DSCAML1: variants seen among roughly 807,000 people sequenced by gnomAD.
The protein encoded by DSCAML1 is DS cell adhesion molecule like 1.
Under a neutral mutation model 200.5 loss-of-function variants are expected in DSCAML1, and 38 were observed. The ratio of observed to expected loss-of-function variants is 0.19; its 90% CI spans 0.15 to 0.25. DSCAML1 has a LOEUF of 0.25. Among genes scored for constraint, DSCAML1 ranks in the 10% least tolerant of loss-of-function variants. The probability of loss-of-function intolerance (pLI) is 1.00; values close to 1 mark genes in which losing one functional copy is unlikely to be tolerated. For synonymous variants in DSCAML1, 1,215 were observed against 1,165.0 expected, an observed-to-expected ratio of 1.04 and a Z score of -0.87; for missense variants, 2,223 against 2,858.8, an observed-to-expected ratio of 0.78 and a Z score of 5.07.
intron 3 of DSCAML1, among the ~76,000 whole-genome samples, chr11:117,594,640 G>C (rs146331129): frequency 1.4e-3 from 215 of 152,342 alleles, no homozygotes; most frequent in Non-Finnish European, 2.4e-3. Flanking sequence ...ACATCCCGCA[G>C]ACCTGCAGCA....
chr11:117,776,800 T>G lies in DSCAML1; in HGVS notation c.502A>C (p.Ile168Leu). Residue 168 changes from isoleucine (I) to leucine (L), a missense_variant, in exon 3 of 33, where the codon ATC (isoleucine) becomes CTC (leucine). This residue lies in a region of DSCAML1 where 579 missense variants were observed against 721.5 expected (regional missense o/e 0.80). Transcript: ENST00000651296. ...CCGGGACGCTTCTTACCTGGGATGA[T>G]GGAGACTGTGTCTTTCTCCCAAGAT... ...VVSWEKDTVS[I>L]IPEHRFFITY... The G allele has an allele frequency of 6.2e-7, 1 of 1,614,162 alleles. No homozygotes were observed. The highest frequency in any genetic ancestry group is 8.5e-7 in the Non-Finnish European group (1 of 1,180,012).
At chr11:117,586,550 C>G (rs142793610) in intron 3 of DSCAML1, among the ~76,000 whole-genome samples, 8 of 152,326 alleles carry the variant, frequency 5.3e-5, no homozygotes, top group South Asian at 4.1e-4. Context: ...GTTCTCAGTT[C>G]TCAAGTTATC....
intron 3 of DSCAML1, among the ~76,000 whole-genome samples, chr11:117,659,132 C>G (rs1161732911): frequency 6.6e-6 from 1 of 152,174 alleles, no homozygotes; most frequent in African/African-American, 2.4e-5. Flanking sequence ...TTAAGGTAAG[C>G]CAAGTTCAGC....
intron 3 of DSCAML1, among the ~76,000 whole-genome samples, chr11:117,549,102 T>C (rs1486351929): frequency 6.6e-6 from 1 of 152,200 alleles, no homozygotes; most frequent in Non-Finnish European, 1.5e-5. Context: ...ACCATCCCTC[T>C]GTCCTTCCTA....
At chr11:117,797,259 T>A (rs1444006041), upstream of DSCAML1, 1 of 1,426,140 alleles carries the variant, frequency 7.0e-7, no homozygotes, top group South Asian at 1.5e-5. Flanking sequence ...GCTCCTGTCA[T>A]CCGCGGGGCT....
At chr11:117,656,848 C>T (rs1243897823) in intron 3 of DSCAML1, among the ~76,000 whole-genome samples, 1 of 152,202 alleles carries the variant, frequency 6.6e-6, no homozygotes, top group Admixed American at 6.5e-5. Context: ...CTGTAGCCCT[C>T]AAATGCCCAG....
rs568578245 is a variant in DSCAML1 at position 117,591,530 on chromosome 11, C to T, written c.512-59008G>A. ...GAATCTGCGAGTGCTATGCGAGCCG[C>T]GATTTGTAATATTCTCTGTCTGGGG... On this transcript the variant is annotated intron_variant, in intron 3 of 32. Transcript: ENST00000651296. Among the ~76,000 whole-genome samples, 9 of 152,322 alleles carry T rather than the reference C, an allele frequency of 5.9e-5. No homozygotes were observed. The South Asian group carries it at 1.0e-3, about 18-fold the overall frequency.
intron 1 of DSCAML1, among the ~76,000 whole-genome samples, chr11:117,812,454 A>C (rs2055769078): frequency 6.6e-6 from 1 of 152,008 alleles, no homozygotes; most frequent in South Asian, 2.1e-4. Flanking sequence ...CCATGGTGCC[A>C]AACCCATATA....
intron 3 of DSCAML1, among the ~76,000 whole-genome samples, chr11:117,716,589 C>A (rs1180769622): frequency 1.3e-5 from 2 of 152,084 alleles, no homozygotes; most frequent in Admixed American, 6.5e-5. Context: ...TCGAAGAAGT[C>A]AAAAATGCCA....
intron 3 of DSCAML1, among the ~76,000 whole-genome samples, chr11:117,634,590 G>C (rs776033465): frequency 5.3e-5 from 8 of 152,158 alleles, no homozygotes; most frequent in Non-Finnish European, 7.3e-5. Flanking sequence ...GTGCTGCCTG[G>C]AATTTGCATT....
chr11:117,440,324 C>T (rs537531808), intron 21 of DSCAML1, among the ~76,000 whole-genome samples: 3 of 152,094 alleles, frequency 2.0e-5, no homozygotes, highest in African/African-American at 7.2e-5. Flanking sequence ...GAATGCTGCC[C>T]ATAAGTGGGC....
At chr11:117,768,675 C>T (rs1286455864) in intron 3 of DSCAML1, among the ~76,000 whole-genome samples, 1 of 152,180 alleles carries the variant, frequency 6.6e-6, no homozygotes, top group Non-Finnish European at 1.5e-5. Flanking sequence ...TTCAAGGATT[C>T]TATGTGCAAT....
intron 1 of DSCAML1, among the ~76,000 whole-genome samples, chr11:117,794,032 GCCC>G (rs11301503): frequency 9.1e-5 from 13 of 142,706 alleles, no homozygotes; most frequent in East Asian, 4.2e-4. Flanking sequence ...TTTCCCCATT[GCCC>G]CCCCCCCCTT....
chr11:117,598,305 G>T (rs920534515), intron 3 of DSCAML1, among the ~76,000 whole-genome samples: 1 of 152,202 alleles, frequency 6.6e-6, no homozygotes, highest in Non-Finnish European at 1.5e-5. Flanking sequence ...AGTTTTCATA[G>T]AACCTTGATG....
chr11:117,562,623 C>T (rs1400183569), intron 3 of DSCAML1, among the ~76,000 whole-genome samples: 1 of 152,260 alleles, frequency 6.6e-6, no homozygotes, highest in African/African-American at 2.4e-5. Context: ...GGCTTGAACA[C>T]TAGTTCTTGG....
intron 3 of DSCAML1, among the ~76,000 whole-genome samples, chr11:117,714,704 G>C (rs1231456078): frequency 1.3e-5 from 2 of 151,690 alleles, no homozygotes; most frequent in African/African-American, 2.4e-5. Flanking sequence ...ATAATCCCAG[G>C]TACTCGGGAG....
At chr11:117,609,836 G>C (rs1005013040) in intron 3 of DSCAML1, among the ~76,000 whole-genome samples, 1 of 152,122 alleles carries the variant, frequency 6.6e-6, no homozygotes, top group Non-Finnish European at 1.5e-5. Flanking sequence ...TTGTTTGATA[G>C]TATAGAGTGG....
At chr11:117,748,976 C>T (rs2054559396) in intron 3 of DSCAML1, among the ~76,000 whole-genome samples, 1 of 152,200 alleles carries the variant, frequency 6.6e-6, no homozygotes, top group Non-Finnish European at 1.5e-5. Context: ...CTAGTTGGCT[C>T]TGCGGCCCCA....
intron 11 of DSCAML1, among the ~76,000 whole-genome samples, chr11:117,487,081 C>T (rs182003242): frequency 2.6e-5 from 4 of 151,828 alleles, no homozygotes; most frequent in East Asian, 3.9e-4. Context: ...CGTACCACTA[C>T]GCCTGGCTAA....
Sources: gnomAD v4.1 joint callset for allele counts (sites outside exome capture counted in the v4.1 genomes callset) on GRCh38, gnomAD v4.1.1 for gene constraint, gnomAD v4.1.1 regional missense constraint, MANE v1.5 for transcripts, NCBI Gene and HGNC (gene_info 2026-07-23, HGNC 2026-07-21) for gene names.